Variants in TPRG1 observed in about 807,000 individuals in gnomAD.
TPRG1 encodes the protein tumor protein p63-regulated gene 1 protein.
TPRG1 carries 29 observed loss-of-function variants against 29.3 expected under a neutral mutation model. The observed-to-expected ratio is 0.99, with a 90% confidence interval of 0.74 to 1.35. The LOEUF (loss-of-function observed/expected upper bound fraction) is 1.35. Ranked by LOEUF, TPRG1 falls within the 40% of genes most tolerant of loss-of-function variation. TPRG1 has a pLI of 0.00. For missense variants in TPRG1, 327 were observed against 335.0 expected, an observed-to-expected ratio of 0.98 and a Z score of 0.19; for synonymous variants, 130 against 116.8, an observed-to-expected ratio of 1.11 and a Z score of -0.73.
chr3:189,226,797 CAAAAAAAA>C (rs1175619202), intron 3 of TPRG1, among the ~76,000 whole-genome samples: 1 of 81,760 alleles, frequency 1.2e-5, no homozygotes, highest in Non-Finnish European at 2.6e-5. Flanking sequence ...GCAAGGCTGA[CAAAAAAAA>C]AAAAAAAGAA....
intron 4 of TPRG1, among the ~76,000 whole-genome samples, chr3:189,080,224 C>A (rs539244574): frequency 6.6e-6 from 1 of 152,020 alleles, no homozygotes; most frequent in East Asian, 1.9e-4. Flanking sequence ...GTTTTAATAT[C>A]GGGAATTTGT....
chr3:189,247,946 A>G (rs1047315390), intron 4 of TPRG1, among the ~76,000 whole-genome samples: 6 of 151,346 alleles, frequency 4.0e-5, no homozygotes, highest in African/African-American at 1.5e-4. Flanking sequence ...ATTAATATTC[A>G]TGTTTAATTG....
At chr3:189,004,498 C>G (rs542452403) in intron 2 of TPRG1, 1 of 152,134 alleles carries the variant, frequency 6.6e-6, no homozygotes. Flanking sequence ...ATAAAGACTT[C>G]GTGTGTGGAT....
At chr3:189,178,262 T>G (rs1729752487) in intron 1 of TPRG1, among the ~76,000 whole-genome samples, 1 of 152,204 alleles carries the variant, frequency 6.6e-6, no homozygotes, top group Admixed American at 6.5e-5. Context: ...GCACACTGGC[T>G]CATGCCTTGT....
intron 4 of TPRG1, among the ~76,000 whole-genome samples, chr3:189,282,468 CT>C (rs1420801258): frequency 6.6e-6 from 1 of 152,018 alleles, no homozygotes; most frequent in African/African-American, 2.4e-5. Flanking sequence ...TATTTTGTGC[CT>C]CATTTTTTGT....
intron 3 of TPRG1, among the ~76,000 whole-genome samples, chr3:189,227,919 C>A (rs1241009601): frequency 2.0e-5 from 3 of 152,054 alleles, no homozygotes; most frequent in African/African-American, 7.2e-5. Context: ...CTCAGGAGTT[C>A]GCGACCAGCC....
chr3:189,255,572 TG>T (rs1711703532), intron 4 of TPRG1, among the ~76,000 whole-genome samples: 1 of 152,222 alleles, frequency 6.6e-6, no homozygotes, highest in African/African-American at 2.4e-5. Flanking sequence ...ATTTTTCTAT[TG>T]TTTGGAATCG....
chr3:189,283,395 G>A (rs1429293524), intron 4 of TPRG1, among the ~76,000 whole-genome samples: 1 of 152,134 alleles, frequency 6.6e-6, no homozygotes, highest in Non-Finnish European at 1.5e-5. Flanking sequence ...TTTCAAAAAG[G>A]CAATGTGTCA....
At chr3:189,132,292 A>C (rs981148333) in intron 2 of TPRG1, 3 of 152,228 alleles carry the variant, frequency 2.0e-5, no homozygotes, top group African/African-American at 7.2e-5. Flanking sequence ...GAAAAAGGCC[A>C]AGTCATTACT....
intron 4 of TPRG1, among the ~76,000 whole-genome samples, chr3:189,055,994 A>T (rs906834828): frequency 2.0e-5 from 3 of 149,808 alleles, no homozygotes; most frequent in Non-Finnish European, 4.4e-5. Context: ...CACCTCTTGT[A>T]TGAGGATCTC....
intron 1 of TPRG1, among the ~76,000 whole-genome samples, chr3:189,174,581 G>A (rs1729238553): frequency 6.6e-6 from 1 of 152,154 alleles, no homozygotes; most frequent in Admixed American, 6.5e-5. Context: ...TGACAGACCA[G>A]GCTACAGGTT....
chr3:189,120,851 A>G (rs576286768), intron 1 of TPRG1, among the ~76,000 whole-genome samples: 19 of 152,326 alleles, frequency 1.2e-4, no homozygotes, highest in African/African-American at 2.6e-4. Flanking sequence ...AATTCTTCTC[A>G]TGGTCACACA....
chr3:189,195,666 G>T (rs1732417402), intron 1 of TPRG1, among the ~76,000 whole-genome samples: 1 of 152,222 alleles, frequency 6.6e-6, no homozygotes, highest in South Asian at 2.1e-4. Context: ...CCACAGCTGG[G>T]CTTAGTGCCT....
At chr3:189,221,733 C>A (rs889288761) in intron 3 of TPRG1, among the ~76,000 whole-genome samples, 2 of 152,150 alleles carry the variant, frequency 1.3e-5, no homozygotes, top group Non-Finnish European at 2.9e-5. Context: ...TCCTGGTCCC[C>A]AAAGTGACAC....
At chr3:189,085,454 T>TGTGTGTGC (rs560302678) in intron 4 of TPRG1, among the ~76,000 whole-genome samples, 6 of 151,860 alleles carry the variant, frequency 4.0e-5, no homozygotes, top group African/African-American at 9.7e-5. Flanking sequence ...TGCATGTGTG[T>TGTGTGTGC]GTGTGTGTGT....
chr3:189,031,569 T>C (rs73048744), intron 4 of TPRG1, among the ~76,000 whole-genome samples: 2,595 of 152,332 alleles, frequency 0.017, 81 homozygotes, highest in African/African-American at 0.059. Context: ...CTTTCTGTTG[T>C]GGCTATCACA....
chr3:189,312,457 T>C (rs534952018), intron 5 of TPRG1, among the ~76,000 whole-genome samples: 1 of 152,200 alleles, frequency 6.6e-6, no homozygotes, highest in African/African-American at 2.4e-5. Context: ...AATATATATT[T>C]TTGAATTAGT....
intron 1 of TPRG1, among the ~76,000 whole-genome samples, chr3:188,999,350 A>T (rs1274936665): frequency 6.6e-6 from 1 of 152,190 alleles, no homozygotes; most frequent in Non-Finnish European, 1.5e-5. Flanking sequence ...AATACTATTC[A>T]TTGATCACAG....
At chr3:189,246,623 C>T (rs1003512752) in intron 4 of TPRG1, among the ~76,000 whole-genome samples, 1 of 151,998 alleles carries the variant, frequency 6.6e-6, no homozygotes, top group Non-Finnish European at 1.5e-5. Context: ...CCTTTAATGT[C>T]ATTTTTCCTA....
Sources: allele counts gnomAD v4.1 joint callset (sites outside exome capture counted in the v4.1 genomes callset), GRCh38; gene constraint gnomAD v4.1.1; transcripts MANE v1.5; gene names NCBI Gene and HGNC (gene_info 2026-07-23, HGNC 2026-07-21).